Variants in CLCA1 observed in about 807,000 individuals in gnomAD.
The protein encoded by CLCA1 is calcium-activated chloride channel regulator 1.
Under a neutral mutation model 85.6 loss-of-function variants are expected in CLCA1, and 59 were observed. The ratio of observed to expected loss-of-function variants is 0.69; its 90% CI spans 0.56 to 0.86. The LOEUF (loss-of-function observed/expected upper bound fraction) is 0.86, where lower values mean the gene tolerates loss of function less well. Among genes scored for constraint, CLCA1 ranks in the 40% least tolerant of loss-of-function variants. CLCA1 has a pLI of 0.00. For missense variants in CLCA1, 1,022 were observed against 1,101.4 expected (o/e 0.93, Z 1.02); for synonymous variants, 396 against 398.3 (o/e 0.99, Z 0.07).
At chr1:86,488,201 T>TACAAGGAGAGACCAAG (rs1250609746) in intron 7 of CLCA1, among the ~76,000 whole-genome samples, 1 of 152,196 alleles carries the variant, frequency 6.6e-6, no homozygotes, top group African/African-American at 2.4e-5. Flanking sequence ...ATGCTTAGGC[T>TACAAGGAGAGACCAAG]TGATTTCTTG....
chr1:86,473,097 T>C (rs1647547127), intron 1 of CLCA1, among the ~76,000 whole-genome samples: 1 of 152,154 alleles, frequency 6.6e-6, no homozygotes, highest in African/African-American at 2.4e-5. Flanking sequence ...CCAGTCACTA[T>C]AATATAATAT....
intron 8 of CLCA1, among the ~76,000 whole-genome samples, chr1:86,489,506 C>G (rs1197068622): frequency 1.3e-5 from 2 of 152,168 alleles, no homozygotes; most frequent in Non-Finnish European, 2.9e-5. Flanking sequence ...AACTACATAA[C>G]ACCATGGCAT....
intron 3 of CLCA1, among the ~76,000 whole-genome samples, chr1:86,475,008 C>G (rs1018602454): frequency 4.6e-5 from 7 of 152,056 alleles, no homozygotes; most frequent in African/African-American, 1.7e-4. Flanking sequence ...CGCTTAAAGA[C>G]CTGGTCAAAA....
At chr1:86,476,787 T>C (rs946345842) in intron 4 of CLCA1, among the ~76,000 whole-genome samples, 3 of 152,208 alleles carry the variant, frequency 2.0e-5, no homozygotes, top group African/African-American at 7.2e-5. Context: ...TTTTTCTTTT[T>C]TTTTAACTGT....
chr1:86,477,093 A>G (rs1647694770), intron 4 of CLCA1, among the ~76,000 whole-genome samples: 1 of 152,156 alleles, frequency 6.6e-6, no homozygotes, highest in African/African-American at 2.4e-5. Context: ...TATTTTCTGT[A>G]GAGATGGAGT....
chr1:86,471,758 TA>T (rs903952931), intron 1 of CLCA1, among the ~76,000 whole-genome samples: 17 of 152,162 alleles, frequency 1.1e-4, no homozygotes, highest in African/African-American at 3.6e-4. Context: ...TAAGAACACT[TA>T]AAAAAATAGA....
chr1:86,494,535 A>C lies in CLCA1; in HGVS notation c.1942+87A>C, dbSNP rs1570290793. The C allele has an allele frequency of 7.7e-6, 11 of 1,436,930 alleles. No homozygotes were observed. In the East Asian group the frequency reaches 2.5e-4, roughly 33 times the overall value. 89.0% of individuals were successfully genotyped at this position (1,436,930 alleles called of 1,614,324 possible). A position where few individuals can be genotyped will look rare whatever the true frequency, so the allele number is the denominator to read the frequency against. On this transcript the variant is annotated intron_variant, in intron 11 of 13. Coordinates refer to ENST00000394711, the MANE Select transcript of CLCA1 (RefSeq NM_001285.4). ...CAAGAGGGCATGGTCTGGTGAGGGC[A>C]GTTAGACAGGCAAGGCAGCACAGCA...
intron 7 of CLCA1, 56 bp downstream of exon 7, chr1:86,486,809 A>G: frequency 1.3e-6 from 2 of 1,502,214 alleles, no homozygotes; most frequent in Non-Finnish European, 9.3e-7. Context: ...GTTGCTTAAC[A>G]AACTTCCATT....
chr1:86,483,357 G>A (rs5744357), intron 5 of CLCA1, among the ~76,000 whole-genome samples: 83,199 of 151,868 alleles, frequency 0.55, 24,550 homozygotes, highest in Non-Finnish European at 0.67. Flanking sequence ...AAACATTACC[G>A]AAACACATGA....
rs1647989224 is a variant in CLCA1, at chr1:86,486,759, A to T, written c.1182+6A>T. 1.2e-6 allele frequency: 2 copies of T among 1,612,698 alleles called. No individual in the cohort carries two copies. Among genetic ancestry groups the T allele is most frequent in the Non-Finnish European group, 1.7e-6 (2 of 1,178,734 alleles). On this transcript the variant is annotated splice_donor_region_variant and intron_variant, in intron 7 of 13. Transcript: ENST00000394711. The stretch of plus-strand genomic sequence containing the variant: ...GGCTTCGATCGGCATTTACTGTGAG[A>T]TGTGTTTTTCTATTGTAGTTTGGAA...
intron 8 of CLCA1, among the ~76,000 whole-genome samples, chr1:86,490,610 C>G (rs1204143954): frequency 6.6e-6 from 1 of 152,086 alleles, no homozygotes; most frequent in Non-Finnish European, 1.5e-5. Context: ...GGCTTAATGA[C>G]TTCTCTCATG....
Position 86,486,672 on chromosome 1 carries a change from CA to C in CLCA1, c.1102del (p.Arg368GlyfsTer28), listed in dbSNP as rs1294564825. On this transcript the variant is annotated frameshift_variant, in exon 7 of 14. Coordinates refer to ENST00000394711, the MANE Select transcript of CLCA1 (RefSeq NM_001285.4). LOFTEE classifies it high-confidence loss of function. ...TCATACAGATAAACAGTGGCAGTGA[CA>C]GGGACACACTCGCCAAAAGATTACC... is the stretch of plus-strand genomic sequence containing the variant. ...ELIQINSGSD[R>X]DTLAKRLPAA... The C allele has an allele frequency of 1.2e-5, 20 of 1,614,078 alleles. No homozygotes were observed. The highest frequency in any genetic ancestry group is 1.5e-5 in the Non-Finnish European group (18 of 1,180,044).
At chr1:86,473,708 A>C (rs1228225763) in intron 2 of CLCA1, 21 bp from the exon 3 acceptor site, 3 of 1,556,396 alleles carry the variant, frequency 1.9e-6, no homozygotes, top group Non-Finnish European at 2.6e-6. Flanking sequence ...GTGATGATAG[A>C]AACTTTTTCT....
At chr1:86,477,822 G>A (rs544546025) in intron 4 of CLCA1, among the ~76,000 whole-genome samples, 128 of 152,222 alleles carry the variant, frequency 8.4e-4, no homozygotes, top group African/African-American at 2.9e-3. Context: ...TGATAAAAAC[G>A]CACACTTATT....
At position 86,489,065 on chromosome 1, in the gene CLCA1, A is replaced by G. The variant is rs916431886; in HGVS notation, c.1252A>G (p.Ile418Val). ...VLLTDGEDNTISGCFNEVKQS... is the reference protein window; with the variant it reads ...VLLTDGEDNTVSGCFNEVKQS... The stretch of plus-strand genomic sequence containing the variant: ...GCTGACGGATGGGGAAGACAACACT[A>G]TAAGTGGGTGCTTTAACGAGGTCAA... The change falls in exon 8 of 14, where the codon ATA (isoleucine) becomes GTA (valine). Residue 418 changes from isoleucine to valine, a missense_variant. Ile to Val is a conservative substitution (Grantham distance 29). Coordinates refer to ENST00000394711, the MANE Select transcript of CLCA1 (RefSeq NM_001285.4). The G allele has an allele frequency of 2.5e-6, 4 of 1,614,160 alleles. No homozygotes were observed. Among genetic ancestry groups the G allele is most frequent in the South Asian group, 1.1e-5 (1 of 91,086 alleles).
At chr1:86,498,923 G>A (rs1480483951) in intron 13 of CLCA1, 112 bp downstream of exon 13, 2 of 1,217,100 alleles carry the variant, frequency 1.6e-6, no homozygotes, top group Non-Finnish European at 2.3e-6. Context: ...GAAGGCAGGA[G>A]GGATCTTGCC....
At chr1:86,494,839 A>G (rs1324242871) in intron 11 of CLCA1, among the ~76,000 whole-genome samples, 1 of 152,236 alleles carries the variant, frequency 6.6e-6, no homozygotes, top group African/African-American at 2.4e-5. Flanking sequence ...ACAAAGATGT[A>G]TATAACCTTT....
rs1647934406 is a variant in CLCA1 at position 86,485,385 on chromosome 1, C to T, written c.778C>T (p.Pro260Ser). The T allele has an allele frequency of 6.2e-7, 1 of 1,614,130 alleles. No individual in the cohort carries two copies. The highest frequency in any genetic ancestry group is 1.1e-5 in the South Asian group (1 of 91,078). The part of the protein sequence containing the change: ...CTEQNHNKEA[P>S]NKQNQKCNLR... ...AGAACAAAACCACAACAAAGAAGCT[C>T]CAAACAAGCAAAATCAAAAATGCAA... Residue 260 changes from proline to serine, a missense_variant, in exon 6 of 14, where the codon CCA becomes TCA. By Grantham distance (74) the Pro-to-Ser change is moderately conservative. Coordinates refer to ENST00000394711, the MANE Select transcript of CLCA1 (RefSeq NM_001285.4).
Position 86,476,890 on chromosome 1 carries a change from G to A in CLCA1, c.557+337G>A, listed in dbSNP as rs185392779. Among the ~76,000 whole-genome samples the A allele has an allele frequency of 3.3e-3, 495 of 151,968 alleles. 1 individual carries two copies. Among genetic ancestry groups the A allele is most frequent in the Non-Finnish European group, 5.8e-3 (391 of 67,990 alleles). The stretch of plus-strand genomic sequence containing the variant: ...GTAAGCAGAGCTAATGAGGCTCTTC[G>A]GTGCCTTCAGGGCAGAATAATAATA... On this transcript the variant is annotated intron_variant, in intron 4 of 13. Coordinates refer to ENST00000394711, the MANE Select transcript of CLCA1 (RefSeq NM_001285.4).
Sources: gnomAD v4.1 joint callset for allele counts (sites outside exome capture counted in the v4.1 genomes callset) on GRCh38, gnomAD v4.1.1 for gene constraint, MANE v1.5 for transcripts, NCBI Gene and HGNC (gene_info 2026-07-23, HGNC 2026-07-21) for gene names.